F12: variants seen among roughly 807,000 people sequenced by gnomAD.
The protein encoded by F12 is Hageman factor.
F12 carries 70 observed loss-of-function variants against 74.8 expected under a neutral mutation model. The observed-to-expected ratio is 0.94, with a 90% confidence interval of 0.77 to 1.14. The LOEUF (loss-of-function observed/expected upper bound fraction) is 1.14. Ranked by LOEUF, F12 falls within the 50% of genes most tolerant of loss-of-function variation. F12 has a pLI of 0.00. For missense variants in F12, 811 were observed against 835.7 expected, an observed-to-expected ratio of 0.97 and a Z score of 0.36; for synonymous variants, 373 against 356.4, an observed-to-expected ratio of 1.05 and a Z score of -0.52.
Position 177,402,160 on chromosome 5 carries a change from T to G in F12, c.*132A>C. ...TCCTTCTCAGCATTTTCAAAGCACTTTATTGAGTTCCTGCGCCATCCTGGC... is the reference window on the plus strand; with the variant it reads ...TCCTTCTCAGCATTTTCAAAGCACTGTATTGAGTTCCTGCGCCATCCTGGC... On this transcript the variant is annotated 3_prime_UTR_variant, in exon 14 of 14. Coordinates refer to ENST00000253496, the MANE Select transcript of F12 (RefSeq NM_000505.4). 2.5e-6 allele frequency: 3 copies of G among 1,179,906 alleles called. No individual in the cohort carries two copies. Among genetic ancestry groups the G allele is most frequent in the Non-Finnish European group, 3.7e-6 (3 of 820,818 alleles). The allele number at this position is 1,179,906 out of a possible 1,614,324, so 73.1% of individuals were successfully genotyped here. A position where few individuals can be genotyped will look rare whatever the true frequency, so the allele number is the denominator to read the frequency against.
rs780086224 is a variant in F12, at chr5:177,402,430, C to T, written c.1710G>A (p.Glu570=). 1.9e-6 allele frequency: 3 copies of T among 1,611,448 alleles called. No homozygotes were observed. The highest frequency in any genetic ancestry group is 2.5e-6 in the Non-Finnish European group (3 of 1,179,066). ...TGAGCCGGCGCTCTGCAGCTTGGTC[C>T]TCACACACCAGCGGGCCTCCGGAAT... is the stretch of plus-strand genomic sequence containing the variant. ...QGDSGGPLVC[E]DQAAERRLTL... is the part of the protein sequence containing the mutation. Residue 570 remains glutamate, a synonymous_variant, in exon 14 of 14, where the codon GAG becomes GAA. Coordinates refer to ENST00000253496, the MANE Select transcript of F12 (RefSeq NM_000505.4).
rs753515572 is a variant in F12 at position 177,404,251 on chromosome 5, T to G, written c.963A>C (p.Ala321=). 6.3e-7 allele frequency: 1 copy of G among 1,596,358 alleles called. No individual in the cohort carries two copies. The highest frequency in any genetic ancestry group is 8.5e-7 in the Non-Finnish European group (1 of 1,170,346). ...GGGTCGTGGGCTGAGGCTTCGGCGG[T>G]GCCGGCTGCGCGGGCATGAGTGGGA... is the stretch of plus-strand genomic sequence containing the variant. ...LHVPLMPAQP[A]PPKPQPTTRT... The change falls in exon 9 of 14, where the codon GCA becomes GCC. Residue 321 remains alanine (A), a synonymous_variant. Coordinates refer to ENST00000253496, the MANE Select transcript of F12 (RefSeq NM_000505.4).
rs1763224887 is a variant in F12, at chr5:177,404,249, G to A, written c.965C>T (p.Pro322Leu). The A allele has an allele frequency of 1.3e-6, 2 of 1,596,948 alleles. No homozygotes were observed. The highest frequency in any genetic ancestry group is 1.1e-5 in the South Asian group (1 of 89,458). The change falls in exon 9 of 14, where the codon CCG becomes CTG. Residue 322 changes from proline to leucine, a missense_variant. Pro to Leu is a moderately conservative substitution (Grantham distance 98, BLOSUM62 -3). Coordinates refer to ENST00000253496, the MANE Select transcript of F12 (RefSeq NM_000505.4). ...HVPLMPAQPA[P>L]PKPQPTTRTP... ...CCGGGTCGTGGGCTGAGGCTTCGGC[G>A]GTGCCGGCTGCGCGGGCATGAGTGG... is the stretch of plus-strand genomic sequence containing the variant.
chr5:177,409,541 TG>T lies in F12; in HGVS notation c.-15del. 5 of 1,613,920 alleles carry T rather than the reference TG, an allele frequency of 3.1e-6. No individual in the cohort carries two copies. Among genetic ancestry groups the T allele is most frequent in the Non-Finnish European group, 4.2e-6 (5 of 1,179,876 alleles). ...CAGAGCCCTCATGGCATCCGTCCGT[TG>T]GTCCAGCTGCCTATCCAGGAGTCCA... On this transcript the variant is annotated 5_prime_UTR_variant, in exon 1 of 14. Coordinates refer to ENST00000253496, the MANE Select transcript of F12 (RefSeq NM_000505.4).
chr5:177,405,471 T>C, intron 4 of F12, 38 bp from the exon 5 acceptor site: 1 of 1,587,066 alleles, frequency 6.3e-7, no homozygotes, highest in Non-Finnish European at 8.6e-7. Flanking sequence ...AGCAGGGAGC[T>C]GAGTCACACA....
At chr5:177,405,840 AG>A in intron 3 of F12, 35 bp from the exon 4 acceptor site, 1 of 1,612,806 alleles carries the variant, frequency 6.2e-7, no homozygotes, top group Non-Finnish European at 8.5e-7. Context: ...TGCTCTACCC[AG>A]GGGCCTGGCC....
In F12 at chr5:177,404,065, C is replaced by T. The variant is rs1763217846; in HGVS notation, c.1044G>A (p.Pro348=). Residue 348 remains proline (P), a synonymous_variant, in exon 10 of 14, where the codon CCG becomes CCA. Coordinates refer to ENST00000253496, the MANE Select transcript of F12 (RefSeq NM_000505.4). Reference sequence around the variant, plus strand: ...GTGGGCCGTTCCTGGTCAGGGAAGGCGGCTGCTCCCGCTTCGCCGGCAAGG... The same window carrying T: ...GTGGGCCGTTCCTGGTCAGGGAAGGTGGCTGCTCCCGCTTCGCCGGCAAGG... The part of the protein sequence containing the change: ...PGALPAKREQ[P]PSLTRNGPLS... 1.2e-6 allele frequency: 2 copies of T among 1,602,366 alleles called. No homozygotes were observed. Among genetic ancestry groups the T allele is most frequent in the East Asian group, 2.2e-5 (1 of 44,818 alleles).
intron 12 of F12, 62 bp from the exon 13 acceptor site, chr5:177,402,760 A>T: frequency 6.3e-7 from 1 of 1,593,682 alleles, no homozygotes. Flanking sequence ...CGGACGATGG[A>T]CAAAGCTGCT....
chr5:177,405,968 T>C lies in F12; in HGVS notation c.209A>G (p.Gln70Arg), dbSNP rs1180407446. 1.2e-6 allele frequency: 2 copies of C among 1,613,656 alleles called. No individual in the cohort carries two copies. Among genetic ancestry groups the C allele is most frequent in the African/African-American group, 2.7e-5 (2 of 74,924 alleles). Reference sequence around the variant, plus strand: ...CTCCTCTGCGTAGTCTTACCAGGGCTGAGGGCCTGGCCGGCCCTTGTGGGT... The same window carrying C: ...CTCCTCTGCGTAGTCTTACCAGGGCCGAGGGCCTGGCCGGCCCTTGTGGGT... ...KCTHKGRPGP[Q>R]PWCATTPNFD... is the part of the protein sequence containing the mutation. The change falls in exon 3 of 14, where the codon CAG (glutamine) becomes CGG (arginine). Residue 70 changes from glutamine (Q) to arginine (R), a missense_variant. By Grantham distance (43) the Gln-to-Arg change is conservative (BLOSUM62 1). Transcript: ENST00000253496.
chr5:177,405,482 G>C (rs1239218028), intron 4 of F12, 49 bp from the exon 5 acceptor site: 32 of 1,567,146 alleles, frequency 2.0e-5, no homozygotes, highest in Non-Finnish European at 2.6e-5. Context: ...GAGTCACACA[G>C]CTGGGGGCCA....
chr5:177,408,418 G>C (rs1000152826), intron 2 of F12, among the ~76,000 whole-genome samples: 3 of 152,162 alleles, frequency 2.0e-5, no homozygotes, highest in African/African-American at 7.2e-5. Context: ...TTGAGGAAGG[G>C]GGAAATGGCA....
intron 10 of F12, 47 bp downstream of exon 10, chr5:177,403,812 G>C: frequency 6.8e-7 from 1 of 1,469,708 alleles, no homozygotes; most frequent in Non-Finnish European, 9.0e-7. Context: ...GCTGGGAGAC[G>C]GAGGAGCCGC....
intron 4 of F12, 102 bp downstream of exon 4, chr5:177,405,633 G>A: frequency 7.7e-7 from 1 of 1,303,320 alleles, no homozygotes; most frequent in Admixed American, 1.7e-5. Flanking sequence ...GGAGAGAAGG[G>A]GCTGGGTCCA....
At chr5:177,406,295 T>C (rs1005892191) in intron 2 of F12, among the ~76,000 whole-genome samples, 11 of 152,242 alleles carry the variant, frequency 7.2e-5, no homozygotes, top group South Asian at 6.2e-4. Context: ...AAGACCATCC[T>C]GGCTAATACA....
At position 177,403,615 on chromosome 5, in the gene F12, G is replaced by A. The variant is rs770910748; in HGVS notation, c.1253C>T (p.Pro418Leu). Residue 418 changes from proline (P) to leucine (L), a missense_variant and splice_region_variant, in exon 11 of 14, where the codon CCC (proline) becomes CTC (leucine). By Grantham distance (98) the Pro-to-Leu change is moderately conservative (BLOSUM62 -3). Transcript: ENST00000253496. ...CACCACCGTCAGATCCTCGGGTGCG[G>A]GCCTGCGGGGGGGGTAGGGGAGAGG... ...LTAAHCLQDRPAPEDLTVVLG... is the reference protein window; with the variant it reads ...LTAAHCLQDRLAPEDLTVVLG... 3.1e-6 allele frequency: 5 copies of A among 1,604,558 alleles called. No homozygotes were observed. Among genetic ancestry groups the A allele is most frequent in the Non-Finnish European group, 4.2e-6 (5 of 1,179,310 alleles).
rs1763150773 is a variant in F12 at position 177,402,281 on chromosome 5, T to C, written c.*11A>G. 1 of 1,613,164 alleles carries C rather than the reference T, an allele frequency of 6.2e-7. No homozygotes were observed. The highest frequency in any genetic ancestry group is 2.2e-5 in the East Asian group (1 of 44,850). On this transcript the variant is annotated 3_prime_UTR_variant, in exon 14 of 14. Transcript: ENST00000253496. ...GAATCACCAAGGAGGGAAAGATGAG[T>C]CCCTGAGCAATCAGGAAACGGTGTG...
At position 177,404,632 on chromosome 5, in the gene F12, GC is replaced by G; in HGVS notation, c.666del (p.Leu223SerfsTer28). On this transcript the variant is annotated frameshift_variant, in exon 8 of 14. Coordinates refer to ENST00000253496, the MANE Select transcript of F12 (RefSeq NM_000505.4). LOFTEE classifies it high-confidence loss of function. ...DTKASCYDGR[G>X]LSYRGLARTT... ...GTCCTGGCCAGGCCGCGGTAGCTGA[GC>G]CCGCGGCCATCATAGCAGCTTGCCT... The G allele has an allele frequency of 1.2e-6, 2 of 1,606,984 alleles. No homozygotes were observed. The highest frequency in any genetic ancestry group is 1.1e-5 in the South Asian group (1 of 91,032).
Position 177,404,188 on chromosome 5 carries a change from T to C in F12, c.1018+8A>G. On this transcript the variant is annotated splice_region_variant and intron_variant, in intron 9 of 13. Transcript: ENST00000253496. ...CTCGGCTCCTCCTTCCCCCCCCCACTTCCTAACCTCCCGGGGTCTGGGACT... is the reference window on the plus strand; with the variant it reads ...CTCGGCTCCTCCTTCCCCCCCCCACCTCCTAACCTCCCGGGGTCTGGGACT... 6.3e-7 allele frequency: 1 copy of C among 1,597,584 alleles called. No homozygotes were observed. Among genetic ancestry groups the C allele is most frequent in the Non-Finnish European group, 8.5e-7 (1 of 1,172,192 alleles).
rs778091080 is a variant in F12, at chr5:177,404,363, C to T, written c.851G>A (p.Arg284Gln). 19 of 1,611,680 alleles carry T rather than the reference C, an allele frequency of 1.2e-5. No homozygotes were observed. In the South Asian group the frequency reaches 1.4e-4, roughly 12 times the overall value. Residue 284 changes from arginine to glutamine, a missense_variant, in exon 9 of 14, where the codon CGG becomes CAG. Arg to Gln is a conservative substitution (Grantham distance 43, BLOSUM62 1). Transcript: ENST00000253496. ...RPWCFVLNRDRLSWEYCDLAQ... is the reference protein window; with the variant it reads ...RPWCFVLNRDQLSWEYCDLAQ... Reference sequence around the variant, plus strand: ...CAGGTCGCAGTACTCCCAGCTCAGCCGGTCGCGGTTCAGCACGAAGCACCA... The same window carrying T: ...CAGGTCGCAGTACTCCCAGCTCAGCTGGTCGCGGTTCAGCACGAAGCACCA...
Sources: gnomAD v4.1 joint callset for allele counts (sites outside exome capture counted in the v4.1 genomes callset) on GRCh38, gnomAD v4.1.1 for gene constraint, MANE v1.5 for transcripts, NCBI Gene and HGNC (gene_info 2026-07-23, HGNC 2026-07-21) for gene names.